ENTHD1: variants seen among roughly 807,000 people sequenced by gnomAD.
ENTHD1 encodes the protein ENTH domain containing 1.
Under a neutral mutation model 39.1 loss-of-function variants are expected in ENTHD1, and 23 were observed. The observed-to-expected ratio is 0.59, with a 90% CI of 0.42 to 0.83. The LOEUF (loss-of-function observed/expected upper bound fraction) is 0.83, where lower values mean the gene tolerates loss of function less well. Among genes scored for constraint, ENTHD1 ranks in the 40% least tolerant of loss-of-function variants. The probability of loss-of-function intolerance (pLI) is 0.00; values close to 1 mark genes in which losing one functional copy is unlikely to be tolerated. For missense variants in ENTHD1, 624 were observed against 705.4 expected, an observed-to-expected ratio of 0.88 and a Z score of 1.31; for synonymous variants, 230 against 258.2, an observed-to-expected ratio of 0.89 and a Z score of 1.05.
Position 39,893,712 on chromosome 22 carries a change from C to G in ENTHD1, c.-173G>C, listed in dbSNP as rs2066448602. 2 of 152,264 alleles carry G rather than the reference C, an allele frequency of 1.3e-5. No individual in the cohort carries two copies. The highest frequency in any genetic ancestry group is 4.1e-4 in the South Asian group (2 of 4,832). 9.4% of individuals were successfully genotyped at this position (152,264 alleles called of 1,614,324 possible). A position where few individuals can be genotyped will look rare whatever the true frequency, so the allele number is the denominator to read the frequency against. ...GCTGTTACCTGAGAGGAAAGTCGGC[C>G]GCTGCCCAACGACCAAACTTCCTCT... On this transcript the variant is annotated 5_prime_UTR_variant, in exon 1 of 7. Coordinates refer to ENST00000325157, the MANE Select transcript of ENTHD1 (RefSeq NM_152512.4).
At chr22:39,813,023 G>A (rs529110442) in intron 5 of ENTHD1, among the ~76,000 whole-genome samples, 1 of 152,156 alleles carries the variant, frequency 6.6e-6, no homozygotes, top group South Asian at 2.1e-4. Flanking sequence ...CCTCAAGTGA[G>A]CCGCCAACCT....
chr22:39,821,187 C>A, intron 4 of ENTHD1, 74 bp from the exon 5 acceptor site: 1 of 1,531,130 alleles, frequency 6.5e-7, no homozygotes, highest in Non-Finnish European at 8.9e-7. Context: ...TATTGAGCTA[C>A]AAAGTATCTA....
At chr22:39,748,217 C>T (rs929120977) in intron 6 of ENTHD1, among the ~76,000 whole-genome samples, 4 of 149,624 alleles carry the variant, frequency 2.7e-5, no homozygotes, top group African/African-American at 9.9e-5. Context: ...CCAGGGCGCT[C>T]CAACCTGGGC....
chr22:39,743,828 TCG>T lies in ENTHD1; in HGVS notation c.1673_1674del (p.Ala558AspfsTer3). ...CTCAGATCTTCATGTAATCTAGCGA[TCG>T]CACGTTTTACCTCCCTTAAAAGAAC... ...ISVLLREVKRAIARLHEDLST... is the reference protein window; with the variant it reads ...ISVLLREVKRXIARLHEDLST... On this transcript the variant is annotated frameshift_variant, in exon 7 of 7. Transcript: ENST00000325157. LOFTEE classifies it low-confidence loss of function (END_TRUNC). 1.2e-6 allele frequency: 2 copies of T among 1,614,154 alleles called. No individual in the cohort carries two copies. The highest frequency in any genetic ancestry group is 1.7e-6 in the Non-Finnish European group (2 of 1,180,010).
intron 5 of ENTHD1, among the ~76,000 whole-genome samples, chr22:39,813,147 C>T (rs1040447265): frequency 6.6e-6 from 1 of 152,090 alleles, no homozygotes; most frequent in African/African-American, 2.4e-5. Context: ...TTCCTGCAGC[C>T]CTCTGCCAGC....
intron 6 of ENTHD1, among the ~76,000 whole-genome samples, chr22:39,764,083 C>A (rs1008982479): frequency 7.2e-5 from 11 of 152,098 alleles, no homozygotes; most frequent in Admixed American, 2.0e-4. Context: ...TTACTAATAC[C>A]AATATAAATT....
rs111690941 is a variant in ENTHD1, at chr22:39,757,311, T to C, written c.1219+7912A>G. Among the ~76,000 whole-genome samples the C allele has an allele frequency of 2.8e-4, 43 of 152,248 alleles. 1 individual carries two copies. Among genetic ancestry groups the C allele is most frequent in the African/African-American group, 9.6e-4 (40 of 41,546 alleles). On this transcript the variant is annotated intron_variant, in intron 6 of 6. Coordinates refer to ENST00000325157, the MANE Select transcript of ENTHD1 (RefSeq NM_152512.4). ...TTGAGATAGGGTCTCACTCTGTTGC[T>C]CAAGCTGGAGTCCAGTGGTGCAATC...
chr22:39,799,625 A>G (rs1245034276), intron 5 of ENTHD1, among the ~76,000 whole-genome samples: 1 of 152,190 alleles, frequency 6.6e-6, no homozygotes, highest in South Asian at 2.1e-4. Flanking sequence ...CCTGCAGCGT[A>G]AGGTGTGAAT....
At position 39,867,969 on chromosome 22, in the gene ENTHD1, A is replaced by G. The variant is rs2066202695; in HGVS notation, c.350-5962T>C. On this transcript the variant is annotated intron_variant, in intron 2 of 6. Transcript: ENST00000325157. This position sits in a 1 kb window ranked among gnomAD's most constrained non-coding sequence, Gnocchi z 4.5. ...AAAAGCAGTGAGCGAGGCTGAAGCC[A>G]AGGGCTGCTGGGCTCTTGATCTGCC... is the stretch of plus-strand genomic sequence containing the variant. Among the ~76,000 whole-genome samples, 1 of 152,218 alleles carries G rather than the reference A, an allele frequency of 6.6e-6. No homozygotes were observed. The highest frequency in any genetic ancestry group is 1.5e-5 in the Non-Finnish European group (1 of 68,032).
chr22:39,764,276 C>T (rs1303113101), intron 6 of ENTHD1, among the ~76,000 whole-genome samples: 1 of 151,976 alleles, frequency 6.6e-6, no homozygotes. Context: ...GAGTTCAAGA[C>T]CAACCTGGGC....
At chr22:39,789,557 C>T (rs991158235) in intron 5 of ENTHD1, among the ~76,000 whole-genome samples, 5 of 152,126 alleles carry the variant, frequency 3.3e-5, no homozygotes, top group African/African-American at 9.7e-5. Context: ...TCATTTTTTA[C>T]ATTCATTCAT....
chr22:39,861,742 A>G, intron 3 of ENTHD1, 23 bp downstream of exon 3: 1 of 1,430,888 alleles, frequency 7.0e-7, no homozygotes, highest in Non-Finnish European at 9.3e-7. Context: ...GTTGCATTTT[A>G]GGCCAATGTT....
intron 5 of ENTHD1, among the ~76,000 whole-genome samples, chr22:39,800,785 C>A (rs1296924969): frequency 6.6e-6 from 1 of 152,230 alleles, no homozygotes; most frequent in African/African-American, 2.4e-5. Flanking sequence ...ATGGATGCAG[C>A]AATGCATTAA....
intron 3 of ENTHD1, among the ~76,000 whole-genome samples, chr22:39,839,661 G>A (rs1201061738): frequency 1.3e-5 from 2 of 152,188 alleles, no homozygotes; most frequent in African/African-American, 4.8e-5. Context: ...GCAAAGAGTG[G>A]TGACTTGGGG....
chr22:39,784,383 A>G (rs1022032336), intron 5 of ENTHD1, among the ~76,000 whole-genome samples: 12 of 152,142 alleles, frequency 7.9e-5, no homozygotes, highest in African/African-American at 2.9e-4. Flanking sequence ...TGATCCAGCA[A>G]TTCTACTACT....
chr22:39,780,250 G>A (rs750084231), intron 5 of ENTHD1, among the ~76,000 whole-genome samples: 12 of 151,834 alleles, frequency 7.9e-5, no homozygotes, highest in Admixed American at 2.0e-4. Context: ...CATGGCATGC[G>A]CCTGTAGTCC....
At chr22:39,784,807 T>C (rs947490942) in intron 5 of ENTHD1, among the ~76,000 whole-genome samples, 11 of 152,058 alleles carry the variant, frequency 7.2e-5, no homozygotes, top group African/African-American at 2.7e-4. Context: ...GGGAAGTTGA[T>C]TAATGGGCAC....
At chr22:39,861,738 T>C in intron 3 of ENTHD1, 27 bp downstream of exon 3, 1 of 1,432,772 alleles carries the variant, frequency 7.0e-7, no homozygotes, top group Non-Finnish European at 9.3e-7. Context: ...ACCTGTTGCA[T>C]TTTAGGCCAA....
intron 3 of ENTHD1, among the ~76,000 whole-genome samples, chr22:39,856,719 G>T (rs902777089): frequency 6.6e-6 from 1 of 151,880 alleles, no homozygotes; most frequent in Admixed American, 6.6e-5. Context: ...TGGGTGTGGC[G>T]GTGTGTGCCT....
Sources: allele counts gnomAD v4.1 joint callset (sites outside exome capture counted in the v4.1 genomes callset), GRCh38; gene constraint gnomAD v4.1.1; non-coding constraint Gnocchi (gnomAD v3.1); transcripts MANE v1.5; gene names NCBI Gene and HGNC (gene_info 2026-07-23, HGNC 2026-07-21).